Variants in CCDC3 observed in about 807,000 individuals in gnomAD.
The protein encoded by CCDC3 is coiled-coil domain containing 3, also known as coiled-coil domain-containing protein 3.
Under a neutral mutation model 21.4 loss-of-function variants are expected in CCDC3, and 24 were observed. The observed-to-expected ratio is 1.12, with a 90% CI of 0.81 to 1.58. The LOEUF is 1.58. Ranked by LOEUF, CCDC3 falls within the 40% of genes most tolerant of loss-of-function variation. CCDC3 has a pLI of 0.00. For synonymous variants in CCDC3, 186 were observed against 166.0 expected, an observed-to-expected ratio of 1.12 and a Z score of -0.93; for missense variants, 425 against 360.9, an observed-to-expected ratio of 1.18 and a Z score of -1.44.
intron 2 of CCDC3, 39 bp from the exon 3 acceptor site, chr10:12,898,718 C>A (rs1179801979): frequency 6.2e-7 from 1 of 1,604,986 alleles, no homozygotes; most frequent in South Asian, 1.1e-5. Context: ...GGAGGTGAGT[C>A]CCAGAAACTG....
intron 2 of CCDC3, among the ~76,000 whole-genome samples, chr10:12,907,812 T>C (rs1834197739): frequency 6.6e-6 from 1 of 151,858 alleles, no homozygotes; most frequent in African/African-American, 2.4e-5. Context: ...CCATACCAAA[T>C]CCCTTAAGAA....
At chr10:12,924,914 A>T (rs1281649513) in intron 2 of CCDC3, 1 of 152,226 alleles carries the variant, frequency 6.6e-6, no homozygotes, top group Non-Finnish European at 1.5e-5. Context: ...ATAAAGTGCG[A>T]GTAGTTAGAG....
rs1835975135 is a variant in CCDC3, at chr10:13,010,804, C to T, written c.-1-12292G>A. Reference sequence around the variant, plus strand: ...AATGAACTATTACTACACACCAAAACATGCATGAATCAGGTGACAGAGTAG... The same window carrying T: ...AATGAACTATTACTACACACCAAAATATGCATGAATCAGGTGACAGAGTAG... On this transcript the variant is annotated intron_variant, in intron 5 of 6. Transcript: ENST00000378839. Among the ~76,000 whole-genome samples the T allele has an allele frequency of 3.9e-5, 6 of 152,206 alleles. No homozygotes were observed. The South Asian group carries it at 1.2e-3, about 32-fold the overall frequency.
rs147199564 is a variant in CCDC3, at chr10:13,041,231, AG to A, written c.-2+8442del. Among the ~76,000 whole-genome samples, 924 of 152,316 alleles carry A rather than the reference AG, an allele frequency of 6.1e-3. 11 individuals carry two copies. Among genetic ancestry groups the A allele is most frequent in the African/African-American group, 0.021 (853 of 41,562 alleles). Reference sequence around the variant, plus strand: ...CTTTGAGGTAAGTTGAAACAGATTTAGTATTTCTCTTGGTTTCTAAAAGCCT... The same window carrying A: ...CTTTGAGGTAAGTTGAAACAGATTTATATTTCTCTTGGTTTCTAAAAGCCT... On this transcript the variant is annotated intron_variant, in intron 5 of 6. Coordinates refer to the CCDC3 transcript ENST00000378839.
chr10:12,998,628 T>C lies in CCDC3; in HGVS notation c.375-116A>G. 9.3e-6 allele frequency: 8 copies of C among 858,668 alleles called. No homozygotes were observed. The Middle Eastern group carries it at 2.0e-3, about 213-fold the overall frequency. 53.2% of individuals were successfully genotyped at this position (858,668 alleles called of 1,614,324 possible). ...GCCAATTTCACATCAATGTCTGGCATGGCTCTCATTAGAGGAGTTACTACT... is the reference window on the plus strand; with the variant it reads ...GCCAATTTCACATCAATGTCTGGCACGGCTCTCATTAGAGGAGTTACTACT... On this transcript the variant is annotated intron_variant, in intron 1 of 2. Coordinates refer to ENST00000378825, the MANE Select transcript of CCDC3 (RefSeq NM_031455.4).
At chr10:13,099,337 T>C (rs1418094248) in intron 1 of CCDC3, 1 of 151,734 alleles carries the variant, frequency 6.6e-6, no homozygotes, top group Non-Finnish European at 1.5e-5. Context: ...TTGTTGTTGT[T>C]GTTTTGTTTT....
chr10:13,006,530 C>T (rs895270609), upstream of CCDC3, among the ~76,000 whole-genome samples: 2 of 152,188 alleles, frequency 1.3e-5, no homozygotes, highest in Admixed American at 6.5e-5. Flanking sequence ...TTTTTGCAAT[C>T]CCCTCAGGGA....
chr10:12,995,023 A>C (rs998152442), intron 2 of CCDC3, among the ~76,000 whole-genome samples: 4 of 151,738 alleles, frequency 2.6e-5, no homozygotes, highest in Admixed American at 1.3e-4. Flanking sequence ...TGGGGATTGC[A>C]GTGAGCCGAG....
intron 2 of CCDC3, among the ~76,000 whole-genome samples, chr10:12,986,659 AGC>A (rs1478239613): frequency 6.6e-6 from 1 of 152,056 alleles, no homozygotes. Flanking sequence ...CTGTAGTCCC[AGC>A]TACTCGGGAG....
chr10:12,926,854 G>C (rs7072083), intron 2 of CCDC3, among the ~76,000 whole-genome samples: 22,105 of 152,054 alleles, frequency 0.15, 1,993 homozygotes, highest in East Asian at 0.42. Flanking sequence ...TATTTCATTG[G>C]AGGTCAACTC....
chr10:12,981,862 C>G (rs907245858), intron 2 of CCDC3, among the ~76,000 whole-genome samples: 4 of 151,950 alleles, frequency 2.6e-5, no homozygotes, highest in Non-Finnish European at 5.9e-5. Context: ...CGGTGGCTCA[C>G]CCCTGTAATC....
At chr10:13,019,470 C>A (rs1317456302) in intron 5 of CCDC3, among the ~76,000 whole-genome samples, 2 of 151,456 alleles carry the variant, frequency 1.3e-5, no homozygotes, top group African/African-American at 4.8e-5. Context: ...CACGTGCACA[C>A]AGCATTTACT....
intron 2 of CCDC3, among the ~76,000 whole-genome samples, chr10:12,971,654 T>C (rs897420985): frequency 4.6e-5 from 7 of 152,168 alleles, no homozygotes; most frequent in Non-Finnish European, 1.0e-4. Context: ...GTGTTCCCTC[T>C]TCTGGTCCCA....
chr10:12,937,399 C>T (rs537558634), intron 2 of CCDC3, among the ~76,000 whole-genome samples: 1 of 152,236 alleles, frequency 6.6e-6, no homozygotes, highest in East Asian at 1.9e-4. Flanking sequence ...ACTAGCAGTA[C>T]CTGAGATGTT....
intron 2 of CCDC3, among the ~76,000 whole-genome samples, chr10:12,991,289 A>AG (rs1434586719): frequency 6.6e-6 from 1 of 151,686 alleles, no homozygotes; most frequent in East Asian, 1.9e-4. Context: ...ATTCCACCAA[A>AG]GCTTGAACAT....
intron 2 of CCDC3, among the ~76,000 whole-genome samples, chr10:12,976,974 A>G (rs949446296): frequency 1.3e-5 from 2 of 152,114 alleles, no homozygotes; most frequent in Admixed American, 1.3e-4. Flanking sequence ...GGTGTCCCCC[A>G]CTCGAAAGTG....
chr10:13,030,589 G>C (rs1386103516), intron 5 of CCDC3, among the ~76,000 whole-genome samples: 1 of 152,078 alleles, frequency 6.6e-6, no homozygotes, highest in Admixed American at 6.6e-5. Context: ...GCTGGATTCA[G>C]GAGACCCATC....
intron 2 of CCDC3, among the ~76,000 whole-genome samples, chr10:12,917,180 C>CTTTTTTTTTTTTTTTTTTT (rs56054100): frequency 1.7e-4 from 10 of 58,238 alleles, no homozygotes; most frequent in African/African-American, 6.8e-4. Flanking sequence ...ATTTCTTCTT[C>CTTTTTTTTTTTTTTTTTTT]TTTTTTTTTT....
intron 5 of CCDC3, among the ~76,000 whole-genome samples, chr10:13,046,371 A>T (rs993702267): frequency 6.6e-6 from 1 of 150,722 alleles, no homozygotes; most frequent in African/African-American, 2.4e-5. Context: ...GCGTCACTTC[A>T]TTCCAGCCTG....
Sources: allele counts gnomAD v4.1 joint callset (sites outside exome capture counted in the v4.1 genomes callset), GRCh38; gene constraint gnomAD v4.1.1; transcripts MANE v1.5; gene names NCBI Gene and HGNC (gene_info 2026-07-23, HGNC 2026-07-21).